GABRB3: variants seen among roughly 807,000 people sequenced by gnomAD.
The protein encoded by GABRB3 is gamma-aminobutyric acid type A receptor subunit beta3.
A neutral mutation model predicts 52.1 loss-of-function variants in GABRB3; 14 were observed. The ratio of observed to expected loss-of-function variants is 0.27; its 90% CI spans 0.18 to 0.42. The LOEUF (loss-of-function observed/expected upper bound fraction) is 0.42. GABRB3 is among the 10% of genes least tolerant of loss of function. The pLI is 1.00. For missense variants in GABRB3, 307 were observed against 609.1 expected, an observed-to-expected ratio of 0.50 and a Z score of 5.22; for synonymous variants, 260 against 232.3, an observed-to-expected ratio of 1.12 and a Z score of -1.08.
intron 8 of GABRB3, among the ~76,000 whole-genome samples, chr15:26,548,653 A>G (rs1368837358): frequency 6.6e-6 from 1 of 152,042 alleles, no homozygotes. Context: ...ACACCCCCCA[A>G]CCCCAACTCA....
intron 3 of GABRB3, among the ~76,000 whole-genome samples, chr15:26,668,074 A>G (rs1887770285): frequency 6.6e-6 from 1 of 152,194 alleles, no homozygotes; most frequent in Admixed American, 6.5e-5. Context: ...AGTCACCCAG[A>G]CAAGAGTCAG....
intron 6 of GABRB3, among the ~76,000 whole-genome samples, chr15:26,580,031 A>G (rs1448273080): frequency 6.6e-6 from 1 of 152,202 alleles, no homozygotes; most frequent in East Asian, 1.9e-4. Context: ...TGTCTGCCCA[A>G]AGATGGGAGA....
chr15:26,678,622 G>A (rs376243025), intron 3 of GABRB3, among the ~76,000 whole-genome samples: 7 of 152,232 alleles, frequency 4.6e-5, no homozygotes, highest in African/African-American at 1.4e-4. Context: ...AAGAAAAACC[G>A]AGAGAAAGCC....
chr15:26,689,427 G>A (rs1406595520), intron 3 of GABRB3, among the ~76,000 whole-genome samples: 1 of 152,120 alleles, frequency 6.6e-6, no homozygotes, highest in African/African-American at 2.4e-5. Context: ...TTCCAGGAAG[G>A]GGCAAAAGGA....
chr15:26,634,307 T>G (rs982557896), intron 3 of GABRB3, among the ~76,000 whole-genome samples: 1 of 152,136 alleles, frequency 6.6e-6, no homozygotes, highest in Non-Finnish European at 1.5e-5. Flanking sequence ...TAACTCACTG[T>G]CTTCGTGCCT....
intron 8 of GABRB3, among the ~76,000 whole-genome samples, chr15:26,554,207 A>ATATTTATTTATTTATT (rs1348288306): frequency 3.5e-5 from 2 of 57,808 alleles, no homozygotes; most frequent in Non-Finnish European, 8.3e-5. Context: ...ATATATATAT[A>ATATTTATTTATTTATT]TAGTAGAAAC....
chr15:26,652,143 C>T (rs189363024), intron 3 of GABRB3, among the ~76,000 whole-genome samples: 2 of 152,216 alleles, frequency 1.3e-5, no homozygotes, highest in African/African-American at 2.4e-5. Flanking sequence ...CCATGGACTT[C>T]AAGTCTTTAG....
intron 3 of GABRB3, among the ~76,000 whole-genome samples, chr15:26,721,047 T>A (rs1438012535): frequency 3.9e-5 from 6 of 152,040 alleles, no homozygotes; most frequent in Non-Finnish European, 8.8e-5. Context: ...GCTTTCACCC[T>A]CCTCCATCCG....
chr15:26,747,952 CTTTTTTTTTTTTTT>C (rs57157481), intron 3 of GABRB3, among the ~76,000 whole-genome samples: 20 of 87,450 alleles, frequency 2.3e-4, no homozygotes, highest in South Asian at 3.6e-4. Flanking sequence ...TTTTCAAATG[CTTTTTTTTTTTTTT>C]TTTTTTTTTT....
chr15:26,621,325 C>G lies in GABRB3; in HGVS notation c.450G>C (p.Leu150=). Residue 150 remains leucine, a synonymous_variant, in exon 4 of 9, where the codon CTG becomes CTC. Transcript: ENST00000311550. This position sits in a 1 kb window ranked among gnomAD's most constrained non-coding sequence, Gnocchi z 4.1. ...AGAGGCACACAGACCTGAGCCCATA[C>G]AGCACTGTCCCATCAGGGTGAAGAC... ...MIRLHPDGTV[L]YGLRITTTAA... is the part of the protein sequence containing the mutation. The G allele has an allele frequency of 6.2e-7, 1 of 1,613,546 alleles. No homozygotes were observed. Among genetic ancestry groups the G allele is most frequent in the Non-Finnish European group, 8.5e-7 (1 of 1,179,980 alleles).
intron 3 of GABRB3, chr15:26,642,573 C>T: frequency 9.0e-7 from 1 of 1,108,918 alleles, no homozygotes; most frequent in South Asian, 1.3e-5. Flanking sequence ...AATTACTGTT[C>T]TCATGCTAAA....
chr15:26,605,619 C>T (rs1436635275), intron 4 of GABRB3, among the ~76,000 whole-genome samples: 3 of 152,116 alleles, frequency 2.0e-5, no homozygotes, highest in Non-Finnish European at 2.9e-5. Context: ...CTGTCATTTG[C>T]AACAACATGG....
intron 3 of GABRB3, among the ~76,000 whole-genome samples, chr15:26,657,652 T>A (rs114461751): frequency 6.6e-6 from 1 of 152,294 alleles, no homozygotes; most frequent in African/African-American, 2.4e-5. Context: ...AGAAGTATCA[T>A]CTCCAGTTCA....
intron 3 of GABRB3, among the ~76,000 whole-genome samples, chr15:26,703,804 G>T (rs1357215310): frequency 6.6e-6 from 1 of 152,186 alleles, no homozygotes; most frequent in Admixed American, 6.5e-5. Context: ...AACAATCTTT[G>T]ACTCAATGTA....
chr15:26,608,530 T>C (rs918844504), intron 4 of GABRB3, among the ~76,000 whole-genome samples: 1 of 152,002 alleles, frequency 6.6e-6, no homozygotes, highest in Non-Finnish European at 1.5e-5. Flanking sequence ...GGAAGACATA[T>C]GTGCAAGCAA....
intron 3 of GABRB3, among the ~76,000 whole-genome samples, chr15:26,720,321 C>T (rs1595550701): frequency 6.6e-6 from 1 of 152,174 alleles, no homozygotes; most frequent in Admixed American, 6.5e-5. Flanking sequence ...GTGGTCTCTT[C>T]ACACGGACGT....
chr15:26,670,454 G>T (rs1295391253), intron 3 of GABRB3, among the ~76,000 whole-genome samples: 1 of 152,158 alleles, frequency 6.6e-6, no homozygotes, highest in East Asian at 1.9e-4. Flanking sequence ...GGGCGCAGAG[G>T]TGGCCGCCAA....
chr15:26,563,720 C>T (rs1890068150), intron 7 of GABRB3, among the ~76,000 whole-genome samples: 1 of 152,164 alleles, frequency 6.6e-6, no homozygotes, highest in Non-Finnish European at 1.5e-5. Context: ...CCTGGCCTTG[C>T]CTTGACCTTC....
At chr15:26,564,976 TTA>T (rs984978194) in intron 7 of GABRB3, among the ~76,000 whole-genome samples, 6 of 152,176 alleles carry the variant, frequency 3.9e-5, no homozygotes, top group Admixed American at 3.3e-4. Context: ...AACTTGGTAA[TTA>T]TATGACTTCG....
Sources: allele counts gnomAD v4.1 joint callset (sites outside exome capture counted in the v4.1 genomes callset), GRCh38; gene constraint gnomAD v4.1.1; non-coding constraint Gnocchi (gnomAD v3.1); transcripts MANE v1.5; gene names NCBI Gene and HGNC (gene_info 2026-07-23, HGNC 2026-07-21).